TENM3: variants seen among roughly 807,000 people sequenced by gnomAD.
The protein encoded by TENM3 is teneurin-3.
Under a neutral mutation model 255.1 loss-of-function variants are expected in TENM3, and 63 were observed. That is an observed-to-expected ratio of 0.25 (90% confidence interval 0.20 to 0.30). TENM3 has a LOEUF of 0.30. Ranked by LOEUF, TENM3 falls within the 10% of genes least tolerant of loss-of-function variation. TENM3 has a pLI of 1.00. For missense variants in TENM3, 2,929 were observed against 3,461.1 expected, an observed-to-expected ratio of 0.85 and a Z score of 3.86; for synonymous variants, 1,306 against 1,322.3, an observed-to-expected ratio of 0.99 and a Z score of 0.27.
At chr4:181,546,085 A>G in the TENM3 span, among the ~76,000 whole-genome samples, 2 of 152,190 alleles carry the variant, frequency 1.3e-5, no homozygotes, top group African/African-American at 4.8e-5. Flanking sequence ...TCTGGTGGCC[A>G]CTGCAAAGGT....
At chr4:181,623,060 G>A in the TENM3 span, among the ~76,000 whole-genome samples, 1 of 151,938 alleles carries the variant, frequency 6.6e-6, no homozygotes, top group Non-Finnish European at 1.5e-5. Flanking sequence ...CAAATCTATG[G>A]GACATAAATT....
the TENM3 span, among the ~76,000 whole-genome samples, chr4:181,998,460 C>T: frequency 9.9e-5 from 15 of 152,156 alleles, no homozygotes; most frequent in African/African-American, 3.6e-4. Context: ...ACATTGTTTC[C>T]CCCGTACCCT....
the TENM3 span, among the ~76,000 whole-genome samples, chr4:181,599,304 G>C: frequency 2.0e-4 from 31 of 152,124 alleles, no homozygotes; most frequent in Admixed American, 9.8e-4. Flanking sequence ...AAAGAGAGAC[G>C]ATTTCAGTGA....
chr4:182,729,636 T>C (rs1017789954), intron 14 of TENM3, among the ~76,000 whole-genome samples: 2 of 152,112 alleles, frequency 1.3e-5, no homozygotes, highest in Non-Finnish European at 2.9e-5. Flanking sequence ...AGTAATGACC[T>C]GAAAGTAAAG....
chr4:182,690,595 CTT>C (rs1044467399), intron 12 of TENM3, among the ~76,000 whole-genome samples: 32 of 152,130 alleles, frequency 2.1e-4, no homozygotes, highest in Non-Finnish European at 3.4e-4. Flanking sequence ...CTGTATGTAT[CTT>C]AGGAAGTACA....
At chr4:182,406,761 G>A (rs1459444538) in intron 3 of TENM3, among the ~76,000 whole-genome samples, 1 of 152,154 alleles carries the variant, frequency 6.6e-6, no homozygotes, top group African/African-American at 2.4e-5. Flanking sequence ...TTTATAATCA[G>A]CTACAGATCT....
At chr4:182,605,145 C>T (rs1051159280) in intron 4 of TENM3, among the ~76,000 whole-genome samples, 1 of 152,150 alleles carries the variant, frequency 6.6e-6, no homozygotes, top group Admixed American at 6.5e-5. Context: ...GAAACCTTTC[C>T]CAGCTGAAGA....
intron 16 of TENM3, among the ~76,000 whole-genome samples, chr4:182,735,106 G>T (rs1204312202): frequency 6.6e-6 from 1 of 152,120 alleles, no homozygotes; most frequent in African/African-American, 2.4e-5. Context: ...ACAACCTACA[G>T]TCTTACAAAA....
intron 3 of TENM3, among the ~76,000 whole-genome samples, chr4:182,502,910 CTTTTTT>C (rs10671906): frequency 3.9e-5 from 3 of 77,370 alleles, no homozygotes; most frequent in African/African-American, 1.2e-4. Context: ...TGAAGTCAGC[CTTTTTT>C]TTTTTTTTTT....
chr4:182,679,250 G>A (rs1467115236), intron 7 of TENM3, among the ~76,000 whole-genome samples: 1 of 152,060 alleles, frequency 6.6e-6, no homozygotes, highest in Admixed American at 6.6e-5. Context: ...CCAGAGGCCG[G>A]GAGGGCACTC....
intron 3 of TENM3, among the ~76,000 whole-genome samples, chr4:182,590,891 A>C (rs376949739): frequency 6.6e-6 from 1 of 152,008 alleles, no homozygotes; most frequent in East Asian, 1.9e-4. Context: ...GAAAAAGATT[A>C]CAGAAACTGG....
intron 2 of TENM3, among the ~76,000 whole-genome samples, chr4:182,331,429 C>G (rs1025587482): frequency 1.4e-4 from 21 of 152,024 alleles, no homozygotes; most frequent in Non-Finnish European, 2.4e-4. Flanking sequence ...GCCTGTGGTC[C>G]CAGCTACTCA....
the TENM3 span, among the ~76,000 whole-genome samples, chr4:181,690,317 G>C: frequency 6.6e-6 from 1 of 152,044 alleles, no homozygotes; most frequent in Non-Finnish European, 1.5e-5. Context: ...GTGTTCTGTG[G>C]TCTTCAATCA....
At chr4:181,705,264 G>A in the TENM3 span, among the ~76,000 whole-genome samples, 11 of 152,308 alleles carry the variant, frequency 7.2e-5, no homozygotes, top group African/African-American at 2.2e-4. Flanking sequence ...TAGCCATTAC[G>A]AAGAGTTTAC....
the TENM3 span, among the ~76,000 whole-genome samples, chr4:181,851,594 G>A: frequency 6.6e-6 from 1 of 151,840 alleles, no homozygotes; most frequent in Non-Finnish European, 1.5e-5. Flanking sequence ...ACACACGCAC[G>A]CACGCAAACG....
chr4:182,250,054 C>CTTTTTTTTT (rs957483629), intron 1 of TENM3, among the ~76,000 whole-genome samples: 1 of 128,448 alleles, frequency 7.8e-6, no homozygotes, highest in Non-Finnish European at 1.7e-5. Context: ...TTTCTTTTTT[C>CTTTTTTTTT]TTTTTTTTTT....
Position 182,773,472 on chromosome 4 carries a change from C to T in TENM3, c.4893C>T (p.Asp1631=), listed in dbSNP as rs774685534. 1.3e-5 allele frequency: 21 copies of T among 1,610,708 alleles called. 1 individual carries two copies. The South Asian group carries it at 2.1e-4, about 16-fold the overall frequency. The part of the protein sequence containing the change: ...SDETGWTTFF[D]YDSEGRLTNV... ...CCAAGTTAATGCCTCTTGTATTTAG[C>T]TATGACAGTGAAGGTCGTCTGACAA... Residue 1631 remains aspartate (D), a splice_region_variant and synonymous_variant, in exon 23 of 28, where the codon GAC becomes GAT. Coordinates refer to ENST00000511685, the MANE Select transcript of TENM3 (RefSeq NM_001080477.4).
intron 22 of TENM3, among the ~76,000 whole-genome samples, chr4:182,760,416 CTGCT>C (rs1376790668): frequency 6.6e-6 from 1 of 152,196 alleles, no homozygotes; most frequent in African/African-American, 2.4e-5. Context: ...TCACAGTTCT[CTGCT>C]TGCTTACCCA....
chr4:182,353,969 A>T (rs1295348598), intron 3 of TENM3, among the ~76,000 whole-genome samples: 3 of 151,768 alleles, frequency 2.0e-5, no homozygotes, highest in African/African-American at 7.2e-5. Flanking sequence ...CCAGCTGGAA[A>T]AAAAAAAAAA....
Sources: gnomAD v4.1 joint callset for allele counts (sites outside exome capture counted in the v4.1 genomes callset) on GRCh38, gnomAD v4.1.1 for gene constraint, MANE v1.5 for transcripts, NCBI Gene and HGNC (gene_info 2026-07-23, HGNC 2026-07-21) for gene names.